The following FRMPD4 variants were observed in gnomAD, a reference collection of about 807,000 sequenced individuals.
The protein encoded by FRMPD4 is FERM and PDZ domain containing 4.
In FRMPD4, 22 loss-of-function variants were observed where a neutral mutation model predicts 94.1. The ratio of observed to expected loss-of-function variants is 0.23; its 90% CI spans 0.17 to 0.33. The LOEUF is 0.33. Ranked by LOEUF, FRMPD4 falls within the 10% of genes least tolerant of loss-of-function variation. The probability of loss-of-function intolerance (pLI) is 1.00; values close to 1 mark genes in which losing one functional copy is unlikely to be tolerated. For synonymous variants in FRMPD4, 631 were observed against 548.6 expected (o/e 1.15, Z -2.10); for missense variants, 1,111 against 1,339.9 (o/e 0.83, Z 2.67).
intron 3 of FRMPD4, among the ~76,000 whole-genome samples, chrX:12,089,524 T>C (rs1189712354): frequency 2.7e-5 from 3 of 111,889 alleles, no homozygotes; most frequent in Middle Eastern, 4.2e-3. Context: ...CAGCACCAGG[T>C]TTTAATTTAT....
intron 1 of FRMPD4, among the ~76,000 whole-genome samples, chrX:11,829,270 C>A (rs1459561850): frequency 8.9e-6 from 1 of 112,052 alleles, no homozygotes; most frequent in Non-Finnish European, 1.9e-5. Flanking sequence ...TCACAGTGGG[C>A]TTTCAACTAT....
intron 3 of FRMPD4, among the ~76,000 whole-genome samples, chrX:11,986,823 T>C (rs1356312902): frequency 9.1e-6 from 1 of 110,090 alleles, no homozygotes. Flanking sequence ...GATAAATTTC[T>C]AGACACATGC....
At chrX:12,038,280 A>G (rs991389506) in intron 3 of FRMPD4, among the ~76,000 whole-genome samples, 7 of 111,885 alleles carry the variant, frequency 6.3e-5, no homozygotes, top group Non-Finnish European at 1.3e-4. Context: ...GTTGCTCCTT[A>G]TCCAAACTAG....
At chrX:11,996,193 A>G (rs1351123326) in intron 3 of FRMPD4, among the ~76,000 whole-genome samples, 1 of 112,090 alleles carries the variant, frequency 8.9e-6, no homozygotes, top group African/African-American at 3.2e-5. Context: ...TTGTAACACA[A>G]TGTGCTGCCT....
intron 2 of FRMPD4, among the ~76,000 whole-genome samples, chrX:12,545,698 A>G (rs983018347): frequency 8.9e-6 from 1 of 112,841 alleles, no homozygotes; most frequent in African/African-American, 3.2e-5. Context: ...GGCTTATTTT[A>G]GAAAGAGCCA....
chrX:12,195,925 G>A (rs1434459394), intron 1 of FRMPD4, among the ~76,000 whole-genome samples: 1 of 111,964 alleles, frequency 8.9e-6, no homozygotes, highest in Non-Finnish European at 1.9e-5. Context: ...TGGAATGACA[G>A]GTGGACCTAA....
rs1021182613 is a variant in FRMPD4, at chrX:11,998,776, C to T, written c.95+120758C>T. Among the ~76,000 whole-genome samples, 6 of 111,640 alleles carry T rather than the reference C, an allele frequency of 5.4e-5. No homozygotes were observed. The Admixed American group carries it at 5.7e-4, about 11-fold the overall frequency. The stretch of plus-strand genomic sequence containing the variant: ...TATTGTTTTCATTAGCTTTATGTAA[C>T]CTACCTCCAAAATTTTTATTTCTTA... On this transcript the variant is annotated intron_variant, in intron 3 of 18. Coordinates refer to the FRMPD4 transcript ENST00000640291.
chrX:12,654,956 C>T (rs919576192), intron 4 of FRMPD4, among the ~76,000 whole-genome samples: 8 of 112,126 alleles, frequency 7.1e-5, no homozygotes, highest in African/African-American at 1.9e-4. Flanking sequence ...TATTTGATCT[C>T]GGTTTTCTCA....
intron 1 of FRMPD4, among the ~76,000 whole-genome samples, chrX:12,415,558 TA>T (rs2056789309): frequency 8.9e-6 from 1 of 111,831 alleles, no homozygotes; most frequent in Non-Finnish European, 1.9e-5. Context: ...ACAACAATAA[TA>T]GGGGGGATGA....
At chrX:12,537,443 A>AT (rs1431532483) in intron 2 of FRMPD4, among the ~76,000 whole-genome samples, 9 of 101,888 alleles carry the variant, frequency 8.8e-5, no homozygotes, top group Non-Finnish European at 1.4e-4. Context: ...AACAATATAT[A>AT]TTTTTTTTTT....
chrX:12,094,015 T>C (rs773763651), intron 3 of FRMPD4, among the ~76,000 whole-genome samples: 1 of 112,362 alleles, frequency 8.9e-6, no homozygotes, highest in Non-Finnish European at 1.9e-5. Context: ...ATAGAAAAGA[T>C]ATATCAAAGA....
At chrX:12,377,341 C>T (rs142698455) in intron 1 of FRMPD4, among the ~76,000 whole-genome samples, 1 of 112,240 alleles carries the variant, frequency 8.9e-6, no homozygotes, top group African/African-American at 3.2e-5. Flanking sequence ...CTGCCGGTAA[C>T]AGGTAATCAG....
chrX:12,574,688 G>A (rs1015279305), intron 2 of FRMPD4, among the ~76,000 whole-genome samples: 4 of 110,698 alleles, frequency 3.6e-5, no homozygotes, highest in African/African-American at 1.3e-4. Context: ...TGTAGAGACA[G>A]AGTTTCGCCA....
At position 12,718,735 on chromosome X, in the gene FRMPD4, G is replaced by C; in HGVS notation, c.3909G>C (p.Leu1303=). The change falls in exon 16 of 17, where the codon CTG becomes CTC. Residue 1303 remains leucine (L), a synonymous_variant. Coordinates refer to ENST00000675598, the MANE Select transcript of FRMPD4 (RefSeq NM_001368397.1). Reference sequence around the variant, plus strand: ...ACACAGCCATTAACACCGAACCCCTGTTTGGCACATTGAGAGATGGATGCC... The same window carrying C: ...ACACAGCCATTAACACCGAACCCCTCTTTGGCACATTGAGAGATGGATGCC... ...ALHTAINTEP[L]FGTLRDGCHR... The C allele has an allele frequency of 8.3e-7, 1 of 1,209,583 alleles. No homozygotes were observed. The highest frequency in any genetic ancestry group is 1.7e-5 in the African/African-American group (1 of 57,802).
At chrX:12,385,411 G>C (rs148334686) in intron 1 of FRMPD4, among the ~76,000 whole-genome samples, 2,383 of 112,380 alleles carry the variant, frequency 0.021, 69 homozygotes, top group African/African-American at 0.072. Context: ...GCTTGGTGTA[G>C]AGAGGGCAAG....
intron 3 of FRMPD4, among the ~76,000 whole-genome samples, chrX:11,947,565 G>A (rs2054195638): frequency 8.9e-6 from 1 of 111,850 alleles, no homozygotes; most frequent in Admixed American, 9.5e-5. Flanking sequence ...AGAGGTGAAG[G>A]CAAAAGTTAT....
At chrX:12,349,698 G>T (rs1391973389) in intron 1 of FRMPD4, among the ~76,000 whole-genome samples, 1 of 111,886 alleles carries the variant, frequency 8.9e-6, no homozygotes, top group Non-Finnish European at 1.9e-5. Context: ...ATCATGTGAA[G>T]TAGGATTACA....
rs1426440404 is a variant in FRMPD4, at chrX:12,722,537, C to G, written c.*679C>G. Reference sequence around the variant, plus strand: ...AGCACAAATGCTCTTCACAGTGGTTCTAGCATTTAAAAAACTTCCCGGGGA... The same window carrying G: ...AGCACAAATGCTCTTCACAGTGGTTGTAGCATTTAAAAAACTTCCCGGGGA... On this transcript the variant is annotated 3_prime_UTR_variant, in exon 17 of 17. Coordinates refer to ENST00000675598, the MANE Select transcript of FRMPD4 (RefSeq NM_001368397.1). The G allele has an allele frequency of 9.0e-6, 1 of 111,501 alleles. No individual in the cohort carries two copies. The highest frequency in any genetic ancestry group is 2.8e-4 in the East Asian group (1 of 3,589). 9.2% of individuals were successfully genotyped at this position (111,501 alleles called of 1,213,427 possible). A position where few individuals can be genotyped will look rare whatever the true frequency, so the allele number is the denominator to read the frequency against.
chrX:12,418,005 A>C (rs1427310912), intron 1 of FRMPD4, among the ~76,000 whole-genome samples: 2 of 108,736 alleles, frequency 1.8e-5, no homozygotes, highest in Non-Finnish European at 3.8e-5. Flanking sequence ...AAAAAAAAAA[A>C]AAAAAAACAA....
Sources: allele counts gnomAD v4.1 joint callset (sites outside exome capture counted in the v4.1 genomes callset), GRCh38; gene constraint gnomAD v4.1.1; transcripts MANE v1.5; gene names NCBI Gene and HGNC (gene_info 2026-07-23, HGNC 2026-07-21).